Variants in PITPNM2 observed in about 807,000 individuals in gnomAD.
PITPNM2 encodes the protein phosphatidylinositol transfer protein membrane associated 2.
PITPNM2 carries 35 observed loss-of-function variants against 132.2 expected under a neutral mutation model. The observed-to-expected ratio is 0.26, with a 90% CI of 0.20 to 0.35. The LOEUF (loss-of-function observed/expected upper bound fraction) is 0.35. Ranked by LOEUF, PITPNM2 falls within the 10% of genes least tolerant of loss-of-function variation. The pLI is 1.00. For missense variants in PITPNM2, 1,332 were observed against 1,912.0 expected, an observed-to-expected ratio of 0.70 and a Z score of 5.66; for synonymous variants, 738 against 799.2, an observed-to-expected ratio of 0.92 and a Z score of 1.29.
At position 122,986,836 on chromosome 12, in the gene PITPNM2, G is replaced by A. The variant is rs943611778; in HGVS notation, c.3414-7C>T. ...GCCCAGGTCCTGCCAGTGCCTGGGG[G>A]TGAGGTGTCGTCTCATGGTCACCCC... is the stretch of plus-strand genomic sequence containing the variant. On this transcript the variant is annotated splice_polypyrimidine_tract_variant and splice_region_variant and intron_variant, in intron 23 of 25. Coordinates refer to ENST00000320201, the MANE Select transcript of PITPNM2 (RefSeq NM_020845.3). 23 of 1,603,040 alleles carry A rather than the reference G, an allele frequency of 1.4e-5. No homozygotes were observed. The highest frequency in any genetic ancestry group is 1.5e-5 in the Non-Finnish European group (18 of 1,174,432).
At chr12:123,134,454 C>A (rs1418262814) in intron 1 of PITPNM2, among the ~76,000 whole-genome samples, 1 of 152,076 alleles carries the variant, frequency 6.6e-6, no homozygotes, top group Non-Finnish European at 1.5e-5. Context: ...GGCGGTGTCA[C>A]CCACAGGGTC....
chr12:123,041,162 A>G (rs1266309543), intron 2 of PITPNM2, among the ~76,000 whole-genome samples: 1 of 152,202 alleles, frequency 6.6e-6, no homozygotes, highest in Non-Finnish European at 1.5e-5. Flanking sequence ...TCTGGGGGTA[A>G]GAACCACCCC....
chr12:123,147,784 G>A (rs1464093969), intron 1 of PITPNM2, among the ~76,000 whole-genome samples: 1 of 152,150 alleles, frequency 6.6e-6, no homozygotes, highest in Non-Finnish European at 1.5e-5. Context: ...AGGGAAACTT[G>A]GGCAAGTTAG....
chr12:123,072,415 A>G (rs2041645245), intron 2 of PITPNM2, among the ~76,000 whole-genome samples: 1 of 152,182 alleles, frequency 6.6e-6, no homozygotes, highest in Non-Finnish European at 1.5e-5. Context: ...TGATGAGGAA[A>G]ATTCCTCTCA....
chr12:123,103,795 T>G (rs1262534854), intron 2 of PITPNM2, among the ~76,000 whole-genome samples: 2 of 152,244 alleles, frequency 1.3e-5, no homozygotes, highest in African/African-American at 4.8e-5. Flanking sequence ...TTGGCCTAGA[T>G]GACTTCTTGC....
At chr12:123,056,822 A>T (rs2041044683) in intron 2 of PITPNM2, among the ~76,000 whole-genome samples, 1 of 152,100 alleles carries the variant, frequency 6.6e-6, no homozygotes, top group East Asian at 1.9e-4. Context: ...TAAGAATCAC[A>T]GAGAATGGGG....
chr12:123,042,799 G>C (rs1288030530), intron 2 of PITPNM2, among the ~76,000 whole-genome samples: 1 of 152,108 alleles, frequency 6.6e-6, no homozygotes, highest in African/African-American at 2.4e-5. Flanking sequence ...GCCAGACAAG[G>C]CTCCCCAGGC....
rs1176594996 is a variant in PITPNM2 at position 123,083,186 on chromosome 12, T to A, written c.-96+27199A>T. On this transcript the variant is annotated intron_variant, in intron 2 of 25. Coordinates refer to ENST00000320201, the MANE Select transcript of PITPNM2 (RefSeq NM_020845.3). This position sits in a 1 kb window ranked among gnomAD's most constrained non-coding sequence, Gnocchi z 4.5. The stretch of plus-strand genomic sequence containing the variant: ...CCTTGGGCAACATAGTGAGACCCCA[T>A]CTCTAAAAAAAAACAAAAAAGTTTT... 1.3e-5 allele frequency: 2 copies of A among 151,944 alleles called. No homozygotes were observed. Among genetic ancestry groups the A allele is most frequent in the Non-Finnish European group, 2.9e-5 (2 of 67,982 alleles). 9.4% of individuals were successfully genotyped at this position (151,944 alleles called of 1,614,324 possible). A position where few individuals can be genotyped will look rare whatever the true frequency, so the allele number is the denominator to read the frequency against.
At chr12:123,055,449 T>TACGCCACCAGCTCAGCCTGCCCAGCGTGC (rs1566269835) in intron 2 of PITPNM2, among the ~76,000 whole-genome samples, 1 of 152,196 alleles carries the variant, frequency 6.6e-6, no homozygotes, top group African/African-American at 2.4e-5. Flanking sequence ...GGAAGCAGTA[T>TACGCCACCAGCTCAGCCTGCCCAGCGTGC]ACGCCACCAG....
At chr12:123,115,406 C>T (rs2042917265) in intron 1 of PITPNM2, among the ~76,000 whole-genome samples, 1 of 152,124 alleles carries the variant, frequency 6.6e-6, no homozygotes, top group African/African-American at 2.4e-5. Context: ...ATTTTTCTCT[C>T]TGCTGGCAAG....
intron 13 of PITPNM2, among the ~76,000 whole-genome samples, chr12:122,996,200 C>T (rs551131081): frequency 1.1e-3 from 164 of 152,358 alleles, no homozygotes; most frequent in African/African-American, 3.7e-3. Context: ...CTCCCCTGCA[C>T]CCCCAACCCC....
rs1401077830 is a variant in PITPNM2 at position 122,994,351 on chromosome 12, C to T, written c.2233+450G>A. 3.3e-5 allele frequency among the ~76,000 whole-genome samples: 5 copies of T among 152,198 alleles called. No individual in the cohort carries two copies. Among genetic ancestry groups the T allele is most frequent in the East Asian group, 1.9e-4 (1 of 5,192 alleles). ...GACTGCTGCTCCAATGACGCCCAGC[C>T]GCTGGCCTGCCTGCCCTGGGTAGAC... On this transcript the variant is annotated intron_variant, in intron 15 of 25. Coordinates refer to ENST00000320201, the MANE Select transcript of PITPNM2 (RefSeq NM_020845.3). The surrounding 1 kb of genome is among the most constrained non-coding windows in gnomAD (Gnocchi z 5.4).
At chr12:123,070,238 C>T (rs1230865108) in intron 2 of PITPNM2, among the ~76,000 whole-genome samples, 1 of 152,130 alleles carries the variant, frequency 6.6e-6, no homozygotes, top group Non-Finnish European at 1.5e-5. Context: ...AGGGACTGGG[C>T]CCTGAAAGCT....
At position 122,989,910 on chromosome 12, in the gene PITPNM2, G is replaced by A. The variant is rs926421800; in HGVS notation, c.2608C>T (p.Arg870Cys). 4.5e-6 allele frequency: 6 copies of A among 1,329,298 alleles called. No individual in the cohort carries two copies. The highest frequency in any genetic ancestry group is 2.1e-5 in the South Asian group (1 of 46,540). 82.3% of individuals were successfully genotyped at this position (1,329,298 alleles called of 1,614,324 possible). ...GCGGGCAGGGCGAGCAGGGACAGAC[G>A]CCTGACGCTGGGGGTATGGCTGAGC... ...DALSHTPSVR[R>C]LSLLALPAPS... is the part of the protein sequence containing the mutation. The change falls in exon 18 of 26, where the codon CGT becomes TGT. Residue 870 changes from arginine (R) to cysteine (C), a missense_variant. By Grantham distance (180) the Arg-to-Cys change is radical (BLOSUM62 -3). Transcript: ENST00000320201.
At chr12:123,037,782 T>C (rs7302976) in intron 2 of PITPNM2, among the ~76,000 whole-genome samples, 14,675 of 152,096 alleles carry the variant, frequency 0.096, 2,365 homozygotes, top group African/African-American at 0.33. Context: ...CTCCATCACC[T>C]CAAATAACAA....
In PITPNM2 at chr12:123,009,216, T is replaced by C. The variant is rs1245257445; in HGVS notation, c.643+634A>G. ...GGCCTCAGGGACCGGAACCAGCTCT[T>C]GGAATGACATCATGCTATGACCTCG... On this transcript the variant is annotated intron_variant, in intron 6 of 25. Coordinates refer to ENST00000320201, the MANE Select transcript of PITPNM2 (RefSeq NM_020845.3). This position sits in a 1 kb window ranked among gnomAD's most constrained non-coding sequence, Gnocchi z 4.8. Among the ~76,000 whole-genome samples the C allele has an allele frequency of 6.6e-6, 1 of 152,194 alleles. No homozygotes were observed. The highest frequency in any genetic ancestry group is 1.5e-5 in the Non-Finnish European group (1 of 68,028).
intron 1 of PITPNM2, among the ~76,000 whole-genome samples, chr12:123,146,546 A>G (rs2043622359): frequency 6.6e-6 from 1 of 152,074 alleles, no homozygotes; most frequent in African/African-American, 2.4e-5. Flanking sequence ...GTGAGCCAAG[A>G]TCACATCATT....
chr12:123,093,132 G>A (rs975531369), intron 2 of PITPNM2, among the ~76,000 whole-genome samples: 1 of 152,186 alleles, frequency 6.6e-6, no homozygotes, highest in African/African-American at 2.4e-5. Context: ...ATGCCACATG[G>A]TGTGTCACTC....
At chr12:122,996,971 C>T (rs2038456549) in intron 11 of PITPNM2, 61 bp from the exon 12 acceptor site, 1 of 1,410,906 alleles carries the variant, frequency 7.1e-7, no homozygotes, top group East Asian at 2.4e-5. Context: ...AAGGGCCCCT[C>T]TCCCCTGACC....
Sources: allele counts gnomAD v4.1 joint callset (sites outside exome capture counted in the v4.1 genomes callset), GRCh38; gene constraint gnomAD v4.1.1; non-coding constraint Gnocchi (gnomAD v3.1); transcripts MANE v1.5; gene names NCBI Gene and HGNC (gene_info 2026-07-23, HGNC 2026-07-21).